The following SCAMP1 variants were observed in gnomAD, a reference collection of about 807,000 sequenced individuals.
The protein encoded by SCAMP1 is secretory carrier-associated membrane protein 1.
A neutral mutation model predicts 41.8 loss-of-function variants in SCAMP1; 15 were observed. That is an observed-to-expected ratio of 0.36 (90% CI 0.24 to 0.55). The LOEUF is 0.55. Among genes scored for constraint, SCAMP1 ranks in the 20% least tolerant of loss-of-function variants. SCAMP1 has a pLI of 0.86. For synonymous variants in SCAMP1, 135 were observed against 136.8 expected, an observed-to-expected ratio of 0.99 and a Z score of 0.09; for missense variants, 341 against 412.6, an observed-to-expected ratio of 0.83 and a Z score of 1.50.
intron 4 of SCAMP1, 40 bp downstream of exon 4, chr5:78,416,689 A>C: frequency 1.4e-6 from 2 of 1,429,008 alleles, no homozygotes; most frequent in Non-Finnish European, 1.9e-6. Context: ...TAACTTTTAA[A>C]TACTTTACAT....
intron 1 of SCAMP1, among the ~76,000 whole-genome samples, chr5:78,361,537 T>C (rs1208585762): frequency 1.3e-5 from 2 of 152,216 alleles, no homozygotes; most frequent in Non-Finnish European, 2.9e-5. Flanking sequence ...GTCGACCTTA[T>C]CAACCCCGGC....
chr5:78,371,348 G>A (rs1049231851), intron 1 of SCAMP1, among the ~76,000 whole-genome samples: 2 of 152,076 alleles, frequency 1.3e-5, no homozygotes, highest in African/African-American at 2.4e-5. Context: ...TTGGTATGAC[G>A]TAAGGTCAAC....
chr5:78,454,996 G>T (rs1300746385), intron 7 of SCAMP1, among the ~76,000 whole-genome samples: 1 of 151,884 alleles, frequency 6.6e-6, no homozygotes, highest in Non-Finnish European at 1.5e-5. Flanking sequence ...ATTCTCTGAT[G>T]GTAGTTTGTA....
At chr5:78,400,251 A>G (rs1299717064) in intron 2 of SCAMP1, among the ~76,000 whole-genome samples, 1 of 152,180 alleles carries the variant, frequency 6.6e-6, no homozygotes, top group Admixed American at 6.5e-5. Context: ...TGTCAATACT[A>G]TACTGTATGG....
At chr5:78,426,236 A>T (rs556166870) in intron 6 of SCAMP1, among the ~76,000 whole-genome samples, 2 of 152,294 alleles carry the variant, frequency 1.3e-5, no homozygotes, top group Non-Finnish European at 2.9e-5. Context: ...TGCTGTTGTG[A>T]ATAGTGCTGC....
chr5:78,435,575 A>G (rs1580693208), intron 6 of SCAMP1, among the ~76,000 whole-genome samples: 1 of 152,232 alleles, frequency 6.6e-6, no homozygotes, highest in Admixed American at 6.5e-5. Context: ...TTATGGCTGC[A>G]TAGTATTCCA....
intron 6 of SCAMP1, 55 bp downstream of exon 6, chr5:78,422,015 C>A: frequency 7.1e-7 from 1 of 1,417,214 alleles, no homozygotes. Flanking sequence ...GTAAATAATT[C>A]GTAGTATACA....
intron 6 of SCAMP1, among the ~76,000 whole-genome samples, chr5:78,443,212 CAAAAAAA>C (rs398051015): frequency 0.046 from 3,027 of 66,222 alleles, 120 homozygotes; most frequent in African/African-American, 0.16. Context: ...GACTCTGTCT[CAAAAAAA>C]AAAAAAAAAA....
intron 1 of SCAMP1, chr5:78,361,021 C>T (rs1048216936): frequency 3.6e-5 from 13 of 366,194 alleles, no homozygotes; most frequent in Non-Finnish European, 5.5e-5. Context: ...CCGGAGGGGT[C>T]CTGGCCCGCC....
At chr5:78,469,742 G>A (rs959034939) in intron 8 of SCAMP1, among the ~76,000 whole-genome samples, 4 of 151,406 alleles carry the variant, frequency 2.6e-5, no homozygotes, top group Non-Finnish European at 5.9e-5. Flanking sequence ...AAAATATACG[G>A]TTTAGACTGT....
chr5:78,439,963 A>G (rs1035942802), intron 6 of SCAMP1, among the ~76,000 whole-genome samples: 3 of 152,194 alleles, frequency 2.0e-5, no homozygotes, highest in Middle Eastern at 3.4e-3. Context: ...TTGATCTTCA[A>G]TCACTGATAC....
At chr5:78,473,637 A>G (rs947146121) in intron 8 of SCAMP1, among the ~76,000 whole-genome samples, 1 of 152,062 alleles carries the variant, frequency 6.6e-6, no homozygotes, top group African/African-American at 2.4e-5. Flanking sequence ...ACCTTCCCCT[A>G]TCTTTTAAGT....
At chr5:78,428,025 G>C (rs1752509995) in intron 6 of SCAMP1, among the ~76,000 whole-genome samples, 1 of 152,100 alleles carries the variant, frequency 6.6e-6, no homozygotes, top group Non-Finnish European at 1.5e-5. Context: ...GCCTTAAGAA[G>C]CACAAAAACA....
intron 7 of SCAMP1, among the ~76,000 whole-genome samples, chr5:78,458,974 G>T (rs953094030): frequency 6.6e-6 from 1 of 152,206 alleles, no homozygotes; most frequent in Non-Finnish European, 1.5e-5. Context: ...TGAGACTCTG[G>T]AGTTTGGTTT....
At chr5:78,371,986 AAC>A (rs1418983591) in intron 1 of SCAMP1, among the ~76,000 whole-genome samples, 1 of 152,202 alleles carries the variant, frequency 6.6e-6, no homozygotes, top group African/African-American at 2.4e-5. Context: ...AGTAGAAGAA[AAC>A]ACAAAACATT....
chr5:78,409,380 T>C (rs906632827), intron 2 of SCAMP1, among the ~76,000 whole-genome samples: 1 of 150,490 alleles, frequency 6.6e-6, no homozygotes, highest in Non-Finnish European at 1.5e-5. Flanking sequence ...TGGCTTGTTT[T>C]ATATTTATAT....
At chr5:78,405,333 CCT>C (rs1439534403) in intron 2 of SCAMP1, among the ~76,000 whole-genome samples, 1 of 152,142 alleles carries the variant, frequency 6.6e-6, no homozygotes, top group Non-Finnish European at 1.5e-5. Flanking sequence ...GCACCCTCTC[CCT>C]GTGTATTCCT....
At chr5:78,379,815 C>T (rs993494782) in intron 1 of SCAMP1, among the ~76,000 whole-genome samples, 14 of 152,132 alleles carry the variant, frequency 9.2e-5, no homozygotes, top group African/African-American at 3.1e-4. Flanking sequence ...ACGTTGATAG[C>T]GTGAATGTTG....
At chr5:78,364,470 T>A (rs1750743558) in intron 1 of SCAMP1, among the ~76,000 whole-genome samples, 1 of 151,970 alleles carries the variant, frequency 6.6e-6, no homozygotes, top group African/African-American at 2.4e-5. Context: ...TTCAGTCAGA[T>A]CTCATAGATT....
Sources: allele counts gnomAD v4.1 joint callset (sites outside exome capture counted in the v4.1 genomes callset), GRCh38; gene constraint gnomAD v4.1.1; transcripts MANE v1.5; gene names NCBI Gene and HGNC (gene_info 2026-07-23, HGNC 2026-07-21).